Variants in AGMO observed in about 807,000 individuals in gnomAD.
The protein encoded by AGMO is glyceryl-ether monooxygenase.
A neutral mutation model predicts 60.2 loss-of-function variants in AGMO; 75 were observed. The observed-to-expected ratio is 1.25, with a 90% CI of 1.03 to 1.51. The LOEUF is 1.51. AGMO is among the 40% of genes most tolerant of loss of function. The pLI, the probability that AGMO is intolerant of heterozygous loss-of-function variation, is 0.00. For missense variants in AGMO, 763 were observed against 525.5 expected (o/e 1.45, Z -4.42); for synonymous variants, 261 against 177.1 (o/e 1.47, Z -3.76).
the AGMO span, among the ~76,000 whole-genome samples, chr7:15,194,008 AT>A: frequency 7.2e-5 from 11 of 152,152 alleles, no homozygotes; most frequent in Non-Finnish European, 1.5e-4. Flanking sequence ...ATTTCAAGAA[AT>A]TTTTCTGCTA....
intron 12 of AGMO, among the ~76,000 whole-genome samples, chr7:15,244,325 ATTGT>A (rs574426549): frequency 2.6e-5 from 4 of 152,068 alleles, no homozygotes; most frequent in Non-Finnish European, 5.9e-5. Context: ...TTCATTGTTG[ATTGT>A]TTATGAACAT....
At chr7:15,390,974 GT>G (rs35830831) in intron 6 of AGMO, 69 bp from the exon 7 acceptor site, 458,200 of 925,562 alleles carry the variant, frequency 0.5, 116,973 homozygotes, top group Middle Eastern at 0.61. Flanking sequence ...CTTCCATCTT[GT>G]TTTTTAGAAT....
chr7:15,340,029 T>C (rs1325640242), intron 12 of AGMO, among the ~76,000 whole-genome samples: 1 of 152,170 alleles, frequency 6.6e-6, no homozygotes, highest in Non-Finnish European at 1.5e-5. Context: ...TGAGTATTCC[T>C]TATCCAAGTT....
chr7:15,405,186 T>C (rs899061644), intron 5 of AGMO, among the ~76,000 whole-genome samples: 2 of 151,836 alleles, frequency 1.3e-5, no homozygotes, highest in African/African-American at 4.8e-5. Flanking sequence ...TTCCTATGAG[T>C]ACATTCTTCT....
chr7:15,162,586 C>T, the AGMO span, among the ~76,000 whole-genome samples: 4 of 152,032 alleles, frequency 2.6e-5, no homozygotes, highest in African/African-American at 9.7e-5. Context: ...CCCAGTAACC[C>T]AGGAGGCTGA....
At chr7:15,246,163 A>G (rs1782735394) in intron 12 of AGMO, among the ~76,000 whole-genome samples, 2 of 152,154 alleles carry the variant, frequency 1.3e-5, no homozygotes, top group Admixed American at 6.5e-5. Flanking sequence ...GTTTTATGCC[A>G]AAGTGATTAC....
intron 8 of AGMO, among the ~76,000 whole-genome samples, chr7:15,389,752 T>C (rs1025460433): frequency 1.3e-5 from 2 of 152,184 alleles, no homozygotes; most frequent in African/African-American, 4.8e-5. Flanking sequence ...GAACCTTGGT[T>C]TCCTCCATCA....
At chr7:15,263,717 G>C (rs908058088) in intron 12 of AGMO, among the ~76,000 whole-genome samples, 3 of 152,144 alleles carry the variant, frequency 2.0e-5, no homozygotes, top group Admixed American at 6.5e-5. Context: ...GTATACCATG[G>C]AACACTACTC....
chr7:15,436,826 G>T (rs1781416742), intron 3 of AGMO, among the ~76,000 whole-genome samples: 1 of 152,122 alleles, frequency 6.6e-6, no homozygotes, highest in South Asian at 2.1e-4. Context: ...GCACATCTTT[G>T]GTAACTTCCA....
intron 4 of AGMO, among the ~76,000 whole-genome samples, chr7:15,421,236 T>G (rs1583534323): frequency 1.3e-5 from 2 of 152,194 alleles, no homozygotes; most frequent in South Asian, 4.1e-4. Flanking sequence ...TATAACAACG[T>G]GTGAGCCTGT....
intron 5 of AGMO, among the ~76,000 whole-genome samples, chr7:15,396,970 T>A (rs1784414437): frequency 6.6e-6 from 1 of 152,126 alleles, no homozygotes; most frequent in African/African-American, 2.4e-5. Context: ...TTGGTGCATT[T>A]ACAAACCTTT....
chr7:15,331,591 T>C (rs1361572363), intron 12 of AGMO, among the ~76,000 whole-genome samples: 1 of 152,108 alleles, frequency 6.6e-6, no homozygotes, highest in East Asian at 1.9e-4. Context: ...TATATTCTCC[T>C]TTTTGGCTGA....
At chr7:15,314,073 G>T (rs866818563) in intron 12 of AGMO, among the ~76,000 whole-genome samples, 1 of 152,044 alleles carries the variant, frequency 6.6e-6, no homozygotes, top group African/African-American at 2.4e-5. Context: ...AGCCATGGCA[G>T]TGTTGATGGT....
At chr7:15,251,145 C>G (rs1366088305) in intron 12 of AGMO, among the ~76,000 whole-genome samples, 1 of 152,104 alleles carries the variant, frequency 6.6e-6, no homozygotes, top group East Asian at 1.9e-4. Flanking sequence ...CTGCCTCTTT[C>G]TTTGGGACAG....
chr7:15,352,736 C>T (rs1178256773), intron 12 of AGMO, among the ~76,000 whole-genome samples: 1 of 151,576 alleles, frequency 6.6e-6, no homozygotes, highest in Non-Finnish European at 1.5e-5. Context: ...AATATCCATG[C>T]GCCTTTTTCT....
chr7:15,168,127 G>C, the AGMO span, among the ~76,000 whole-genome samples: 19 of 152,158 alleles, frequency 1.2e-4, no homozygotes, highest in Non-Finnish European at 2.2e-4. Flanking sequence ...GTTAATACCA[G>C]CTGCACTGGC....
chr7:15,433,553 T>C (rs895273485), intron 3 of AGMO, among the ~76,000 whole-genome samples: 1 of 152,130 alleles, frequency 6.6e-6, no homozygotes, highest in South Asian at 2.1e-4. Context: ...CCAGTAGTTC[T>C]TTTGTGAACA....
intron 3 of AGMO, among the ~76,000 whole-genome samples, chr7:15,459,942 TATC>T (rs903974192): frequency 2.0e-5 from 3 of 152,072 alleles, no homozygotes; most frequent in African/African-American, 4.8e-5. Context: ...TATTAAGAAT[TATC>T]ATTCATTGAT....
In AGMO at chr7:15,495,347, G is replaced by A. The variant is rs78755607; in HGVS notation, c.409+49425C>T. The stretch of plus-strand genomic sequence containing the variant: ...CCAATAACTACCCTTTCCTTTTTAT[G>A]TTTATGCTCCACTGTGTTTCAGAGA... On this transcript the variant is annotated intron_variant, in intron 3 of 12. Coordinates refer to ENST00000342526, the MANE Select transcript of AGMO (RefSeq NM_001004320.2). Among the ~76,000 whole-genome samples the A allele has an allele frequency of 7.2e-3, 1,088 of 152,098 alleles. 17 individuals carry two copies. Among genetic ancestry groups the A allele is most frequent in the African/African-American group, 0.025 (1,033 of 41,504 alleles).
Sources: allele counts gnomAD v4.1 joint callset (sites outside exome capture counted in the v4.1 genomes callset), GRCh38; gene constraint gnomAD v4.1.1; transcripts MANE v1.5; gene names NCBI Gene and HGNC (gene_info 2026-07-23, HGNC 2026-07-21).